EXOSC3: variants seen among roughly 807,000 people sequenced by gnomAD.
The protein encoded by EXOSC3 is exosome complex component RRP40.
A neutral mutation model predicts 25.1 loss-of-function variants in EXOSC3; 18 were observed. The ratio of observed to expected loss-of-function variants is 0.72; its 90% CI spans 0.50 to 1.06. The LOEUF (loss-of-function observed/expected upper bound fraction) is 1.06, where lower values mean the gene tolerates loss of function less well. EXOSC3 is among the 50% of genes least tolerant of loss of function. The probability of loss-of-function intolerance (pLI) is 0.00; values close to 1 mark genes in which losing one functional copy is unlikely to be tolerated. For missense variants in EXOSC3, 382 were observed against 350.9 expected (o/e 1.09, Z -0.71); for synonymous variants, 165 against 132.2 (o/e 1.25, Z -1.70).
In EXOSC3 at chr9:37,784,933, C is replaced by G; in HGVS notation, c.112G>C (p.Glu38Gln). The change falls in exon 1 of 4, where the codon GAA becomes CAA. Residue 38 changes from glutamate (E) to glutamine (Q), a missense_variant. Glu to Gln is a conservative substitution (Grantham distance 29). Transcript: ENST00000327304. ...VLPGEELLLP[E>Q]QEDAEGPGGA... ...CCAGGGCCTTCCGCGTCCTCCTGTT[C>G]CGGCAGGAGCAGCTCCTCACCCGGG... 1.2e-6 allele frequency: 2 copies of G among 1,611,104 alleles called. No homozygotes were observed. The highest frequency in any genetic ancestry group is 2.2e-5 in the South Asian group (2 of 90,442).
At chr9:37,781,116 T>C (rs1828585653) in intron 3 of EXOSC3, among the ~76,000 whole-genome samples, 1 of 152,166 alleles carries the variant, frequency 6.6e-6, no homozygotes, top group African/African-American at 2.4e-5. Flanking sequence ...CTCCCTAGGT[T>C]ACCAACTTTG....
intron 1 of EXOSC3, 192 bp downstream of exon 1, chr9:37,784,529 C>T: frequency 1.5e-6 from 1 of 668,976 alleles, no homozygotes; most frequent in African/African-American, 1.8e-5. Context: ...CTCCTGGTCG[C>T]CCTTCTCAGG....
chr9:37,784,435 C>G (rs1466418725), intron 1 of EXOSC3: 2 of 529,750 alleles, frequency 3.8e-6, no homozygotes, highest in Non-Finnish European at 6.7e-6. Flanking sequence ...GAGCCTAGTC[C>G]TGCCCTCTGA....
intron 1 of EXOSC3, 112 bp downstream of exon 1, chr9:37,784,609 G>A (rs747469627): frequency 7.4e-6 from 9 of 1,223,400 alleles, no homozygotes; most frequent in Non-Finnish European, 1.0e-5. Flanking sequence ...GGTGGCTCTA[G>A]GTTTGCCTGA....
chr9:37,784,827 C>A lies in EXOSC3; in HGVS notation c.218G>T (p.Arg73Leu), dbSNP rs759096213. The change falls in exon 1 of 4, where the codon CGC becomes CTC. Residue 73 changes from arginine to leucine, a missense_variant. Arg to Leu is a moderately radical substitution (Grantham distance 102, BLOSUM62 -2). Transcript: ENST00000327304. Reference protein sequence around the residue: ...VRVVCGPGLRRCGDRLLVTKC... With the variant: ...VRVVCGPGLRLCGDRLLVTKC... ...GGTGACCAGCAGGCGGTCCCCACAG[C>A]GCCGAAGGCCCGGACCGCATACAAC... 1 of 1,608,376 alleles carries A rather than the reference C, an allele frequency of 6.2e-7. No individual in the cohort carries two copies. The highest frequency in any genetic ancestry group is 1.7e-5 in the Admixed American group (1 of 59,304).
At chr9:37,783,714 G>C (rs1226948160) in intron 2 of EXOSC3, among the ~76,000 whole-genome samples, 200 bp downstream of exon 2, 1 of 152,098 alleles carries the variant, frequency 6.6e-6, no homozygotes, top group Non-Finnish European at 1.5e-5. Flanking sequence ...AAAATAAATT[G>C]TAAATGTAAA....
intron 2 of EXOSC3, 25 bp from the exon 3 acceptor site, chr9:37,782,162 C>A: frequency 6.2e-7 from 1 of 1,612,230 alleles, no homozygotes; most frequent in South Asian, 1.1e-5. Context: ...AAAACCAGTT[C>A]ATTTCCTCTC....
rs141138948 is a variant in EXOSC3 at position 37,783,993 on chromosome 9, T to G, written c.395A>C (p.Asp132Ala). The change falls in exon 2 of 4, where the codon GAT becomes GCT. Residue 132 changes from aspartate to alanine, a missense_variant. By Grantham distance (126) the Asp-to-Ala change is moderately radical. Transcript: ENST00000327304. ...TAKSGDIFKV[D>A]VGGSEPASLS... ...AGAAGCTGGCTCACTCCCTCCAACATCAACTTTGAATATATCTCCAGATTT... is the reference window on the plus strand; with the variant it reads ...AGAAGCTGGCTCACTCCCTCCAACAGCAACTTTGAATATATCTCCAGATTT... 7.1e-4 allele frequency: 1,139 copies of G among 1,613,954 alleles called. No homozygotes were observed. The highest frequency in any genetic ancestry group is 9.0e-4 in the Non-Finnish European group (1,067 of 1,180,000).
In EXOSC3 at chr9:37,785,030, C is replaced by G. The variant is rs774976928; in HGVS notation, c.15G>C (p.Ala5=). 1.9e-6 allele frequency: 3 copies of G among 1,598,806 alleles called. No homozygotes were observed. The highest frequency in any genetic ancestry group is 1.3e-5 in the African/African-American group (1 of 74,704). Residue 5 remains alanine, a synonymous_variant, in exon 1 of 4, where the codon GCG becomes GCC. Transcript: ENST00000327304. MAEP[A]SVAAESLAGS... is the part of the protein sequence containing the mutation. ...CCGCGAGAGATTCAGCCGCGACAGA[C>G]GCAGGTTCGGCCATCGCGGGCTCCA...
intron 2 of EXOSC3, among the ~76,000 whole-genome samples, chr9:37,782,864 A>C (rs1423186171): frequency 6.6e-6 from 1 of 152,258 alleles, no homozygotes; most frequent in Non-Finnish European, 1.5e-5. Flanking sequence ...GGGGAGGTAC[A>C]TATAAACAAA....
Position 37,780,431 on chromosome 9 carries a change from G to A in EXOSC3, c.*248C>T. On this transcript the variant is annotated 3_prime_UTR_variant, in exon 4 of 4. Coordinates refer to ENST00000327304, the MANE Select transcript of EXOSC3 (RefSeq NM_016042.4). ...GGAAGCTGTAGCAATTACTAAGGGA[G>A]TTAACTCCAAATAAACCCTAATACT... 1 of 413,246 alleles carries A rather than the reference G, an allele frequency of 2.4e-6. No homozygotes were observed. The highest frequency in any genetic ancestry group is 4.4e-6 in the Non-Finnish European group (1 of 229,114). The allele number at this position is 413,246 out of a possible 1,614,324, so 25.6% of individuals were successfully genotyped here. A position where few individuals can be genotyped will look rare whatever the true frequency, so the allele number is the denominator to read the frequency against.
At chr9:37,783,872 A>G (rs778568478) in intron 2 of EXOSC3, 42 bp downstream of exon 2, 3 of 1,597,320 alleles carry the variant, frequency 1.9e-6, no homozygotes, top group South Asian at 1.1e-5. Flanking sequence ...GTTCTAGGGA[A>G]TGGATGTTTG....
rs372713035 is a variant in EXOSC3, at chr9:37,784,927, C to T, written c.118G>A (p.Glu40Lys). 7 of 1,610,752 alleles carry T rather than the reference C, an allele frequency of 4.3e-6. No homozygotes were observed. The highest frequency in any genetic ancestry group is 5.9e-6 in the Non-Finnish European group (7 of 1,178,682). ...PGEELLLPEQ[E>K]DAEGPGGAVE... ...GCACCCCCAGGGCCTTCCGCGTCCT[C>T]CTGTTCCGGCAGGAGCAGCTCCTCA... is the stretch of plus-strand genomic sequence containing the variant. Residue 40 changes from glutamate (E) to lysine (K), a missense_variant, in exon 1 of 4, where the codon GAG becomes AAG. Coordinates refer to ENST00000327304, the MANE Select transcript of EXOSC3 (RefSeq NM_016042.4).
intron 1 of EXOSC3, 91 bp downstream of exon 1, chr9:37,784,630 G>T: frequency 7.3e-7 from 1 of 1,365,496 alleles, no homozygotes. Context: ...ACAAAAGAGG[G>T]CCTCAGGGTC....
chr9:37,785,015 T>C lies in EXOSC3; in HGVS notation c.30A>G (p.Glu10=). ...CGCGCGCCCTGCTGCCCGCGAGAGA[T>C]TCAGCCGCGACAGACGCAGGTTCGG... MAEPASVAA[E]SLAGSRARAA... is the part of the protein sequence containing the mutation. The change falls in exon 1 of 4, where the codon GAA becomes GAG. Residue 10 remains glutamate, a synonymous_variant. Transcript: ENST00000327304. 1.9e-6 allele frequency: 3 copies of C among 1,602,088 alleles called. No homozygotes were observed. Among genetic ancestry groups the C allele is most frequent in the Non-Finnish European group, 2.6e-6 (3 of 1,172,486 alleles).
In EXOSC3 at chr9:37,780,792, C is replaced by G. The variant is rs1202043884; in HGVS notation, c.715G>C (p.Val239Leu). 5.0e-6 allele frequency: 8 copies of G among 1,613,790 alleles called. No individual in the cohort carries two copies. The highest frequency in any genetic ancestry group is 1.3e-5 in the African/African-American group (1 of 74,932). Reference protein sequence around the residue: ...IVFGMNGRIWVKAKTIQQTLI... With the variant: ...IVFGMNGRIWLKAKTIQQTLI... Reference sequence around the variant, plus strand: ...GTCTGCTGGATGGTTTTTGCCTTAACCCATATTCTTCCATTCATTCCAAAT... The same window carrying G: ...GTCTGCTGGATGGTTTTTGCCTTAAGCCATATTCTTCCATTCATTCCAAAT... The change falls in exon 4 of 4, where the codon GTT becomes CTT. Residue 239 changes from valine (V) to leucine (L), a missense_variant. Transcript: ENST00000327304.
rs1564013409 is a variant in EXOSC3 at position 37,780,635 on chromosome 9, CAT to C, written c.*42_*43del. On this transcript the variant is annotated 3_prime_UTR_variant, in exon 4 of 4. Coordinates refer to ENST00000327304, the MANE Select transcript of EXOSC3 (RefSeq NM_016042.4). ...TGGGGGAGGTTCACCTGAAAAAACCCATAGTTTTTTGCCTCAACTGACCTGTA... is the reference window on the plus strand; with the variant it reads ...TGGGGGAGGTTCACCTGAAAAAACCCAGTTTTTTGCCTCAACTGACCTGTA... 14 of 1,523,474 alleles carry C rather than the reference CAT, an allele frequency of 9.2e-6. No individual in the cohort carries two copies. The highest frequency in any genetic ancestry group is 1.3e-5 in the Non-Finnish European group (14 of 1,103,456). The allele number at this position is 1,523,474 out of a possible 1,614,324, so 94.4% of individuals were successfully genotyped here.
intron 3 of EXOSC3, 154 bp downstream of exon 3, chr9:37,781,831 AT>A (rs1309426342): frequency 3.8e-6 from 3 of 792,914 alleles, no homozygotes; most frequent in Non-Finnish European, 5.9e-6. Flanking sequence ...ATAGGATTAA[AT>A]TCATGAGTTT....
Position 37,780,563 on chromosome 9 carries a change from G to T in EXOSC3, c.*116C>A. The T allele has an allele frequency of 1.3e-6, 1 of 777,796 alleles. No individual in the cohort carries two copies. The highest frequency in any genetic ancestry group is 2.1e-6 in the Non-Finnish European group (1 of 479,146). The allele number at this position is 777,796 out of a possible 1,614,324, so 48.2% of individuals were successfully genotyped here. On this transcript the variant is annotated 3_prime_UTR_variant, in exon 4 of 4. Transcript: ENST00000327304. ...CCAGTAACTTATAAAAATACTTTCG[G>T]ACTCTAATAATACATACATTCACAC...
Sources: gnomAD v4.1 joint callset for allele counts (sites outside exome capture counted in the v4.1 genomes callset) on GRCh38, gnomAD v4.1.1 for gene constraint, MANE v1.5 for transcripts, NCBI Gene and HGNC (gene_info 2026-07-23, HGNC 2026-07-21) for gene names.